The following USP19 variants were observed in gnomAD, a reference collection of about 807,000 sequenced individuals.
USP19 encodes ubiquitin carboxyl-terminal hydrolase 19.
In USP19, 40 loss-of-function variants were observed where a neutral mutation model predicts 144.8. That is an observed-to-expected ratio of 0.28 (90% CI 0.21 to 0.36). The LOEUF (loss-of-function observed/expected upper bound fraction) is 0.36. Among genes scored for constraint, USP19 ranks in the 10% least tolerant of loss-of-function variants. The pLI is 1.00. For synonymous variants in USP19, 701 were observed against 709.3 expected, an observed-to-expected ratio of 0.99 and a Z score of 0.19; for missense variants, 1,518 against 1,822.5, an observed-to-expected ratio of 0.83 and a Z score of 3.04.
rs200689579 is a variant in USP19 at position 49,108,111 on chromosome 3, C to CA, written c.*300dup. On this transcript the variant is annotated 3_prime_UTR_variant, in exon 27 of 27. Transcript: ENST00000417901. The surrounding 1 kb of genome is among the most constrained non-coding windows in gnomAD (Gnocchi z 4.8). ...AACAGCAGCAGTCACTTCCAAAATGCAAAAAAAATTACAATTTTTAGAATA... is the reference window on the plus strand; with the variant it reads ...AACAGCAGCAGTCACTTCCAAAATGCAAAAAAAAATTACAATTTTTAGAATA... 4.6e-3 allele frequency: 703 copies of CA among 153,866 alleles called. 4 individuals carry two copies. Among genetic ancestry groups the CA allele is most frequent in the Middle Eastern group, 0.016 (5 of 308 alleles). 9.5% of individuals were successfully genotyped at this position (153,866 alleles called of 1,614,324 possible). A position where few individuals can be genotyped will look rare whatever the true frequency, so the allele number is the denominator to read the frequency against.
chr3:49,114,318 C>T lies in USP19; in HGVS notation c.2293-34G>A. ...GTAGAGGTGGCACTGGGTAGCTGCA[C>T]ACAGAGTGGGAGATAAGATGCTCAT... On this transcript the variant is annotated intron_variant, in intron 15 of 26. Transcript: ENST00000417901. The surrounding 1 kb of genome is among the most constrained non-coding windows in gnomAD (Gnocchi z 4.5). 6.3e-7 allele frequency: 1 copy of T among 1,596,614 alleles called. No homozygotes were observed. The highest frequency in any genetic ancestry group is 8.6e-7 in the Non-Finnish European group (1 of 1,164,710).
In USP19 at chr3:49,115,863, G is replaced by A. The variant is rs1338576454; in HGVS notation, c.1553C>T (p.Pro518Leu). 6.2e-7 allele frequency: 1 copy of A among 1,604,394 alleles called. No homozygotes were observed. The highest frequency in any genetic ancestry group is 1.1e-5 in the South Asian group (1 of 89,822). Reference protein sequence around the residue: ...DSTPPGGAPHPLTGQEEARAV... With the variant: ...DSTPPGGAPHLLTGQEEARAV... ...CCGGGCCTCCTCCTGGCCTGTCAGGGGGTGGGGAGCACCTCCTGGTGGGGT... is the reference window on the plus strand; with the variant it reads ...CCGGGCCTCCTCCTGGCCTGTCAGGAGGTGGGGAGCACCTCCTGGTGGGGT... The change falls in exon 11 of 27, where the codon CCC (proline) becomes CTC (leucine). Residue 518 changes from proline (P) to leucine (L), a missense_variant. Coordinates refer to ENST00000417901, the MANE Select transcript of USP19 (RefSeq NM_001199161.2). This position sits in a 1 kb window ranked among gnomAD's most constrained non-coding sequence, Gnocchi z 6.6.
chr3:49,118,569 T>G (rs1226720829), intron 2 of USP19, among the ~76,000 whole-genome samples: 4 of 135,700 alleles, frequency 2.9e-5, no homozygotes, highest in Non-Finnish European at 6.2e-5. Context: ...GATGACAGAG[T>G]GAGACATTGT....
intron 1 of USP19, among the ~76,000 whole-genome samples, chr3:49,119,496 A>T (rs2044773939): frequency 6.6e-6 from 1 of 152,262 alleles, no homozygotes; most frequent in African/African-American, 2.4e-5. Flanking sequence ...CCACCATAAC[A>T]GTCCCACACA....
chr3:49,113,560 G>A (rs1195115525), intron 17 of USP19, among the ~76,000 whole-genome samples: 1 of 150,990 alleles, frequency 6.6e-6, no homozygotes, highest in African/African-American at 2.4e-5. Context: ...TTACAGGCAT[G>A]AGCCACCACG....
rs2043357033 is a variant in USP19, at chr3:49,112,652, TC to T, written c.2506-24del. The T allele has an allele frequency of 6.2e-7, 1 of 1,604,204 alleles. No individual in the cohort carries two copies. ...TACCTGGGGACAGAGAACACACAGA[TC>T]CCACGTGAGGATAAGCCCTTTCCCT... On this transcript the variant is annotated intron_variant, in intron 17 of 26. Coordinates refer to ENST00000417901, the MANE Select transcript of USP19 (RefSeq NM_001199161.2). The surrounding 1 kb of genome is among the most constrained non-coding windows in gnomAD (Gnocchi z 4.9).
intron 2 of USP19, 92 bp from the exon 3 acceptor site, chr3:49,118,212 C>G: frequency 1.7e-6 from 1 of 586,900 alleles, no homozygotes. Context: ...ATGCAGTAAG[C>G]TACGATCACA....
In USP19 at chr3:49,114,646, G is replaced by A; in HGVS notation, c.2292+117C>T. The A allele has an allele frequency of 8.9e-7, 1 of 1,118,486 alleles. No individual in the cohort carries two copies. Among genetic ancestry groups the A allele is most frequent in the South Asian group, 1.5e-5 (1 of 68,282 alleles). 69.3% of individuals were successfully genotyped at this position (1,118,486 alleles called of 1,614,324 possible). A position where few individuals can be genotyped will look rare whatever the true frequency, so the allele number is the denominator to read the frequency against. ...ATAGAATCCTAAGGCCTCCCTGCCAGCTTCTTTGCCCAAACCTTGCCCTGT... is the reference window on the plus strand; with the variant it reads ...ATAGAATCCTAAGGCCTCCCTGCCAACTTCTTTGCCCAAACCTTGCCCTGT... On this transcript the variant is annotated intron_variant, in intron 15 of 26. Transcript: ENST00000417901. The surrounding 1 kb of genome is among the most constrained non-coding windows in gnomAD (Gnocchi z 4.5).
At position 49,108,388 on chromosome 3, in the gene USP19, TCC is replaced by T; in HGVS notation, c.*22_*23del. The T allele has an allele frequency of 9.8e-7, 1 of 1,023,148 alleles. No homozygotes were observed. Among genetic ancestry groups the T allele is most frequent in the African/African-American group, 1.7e-5 (1 of 58,802 alleles). 63.4% of individuals were successfully genotyped at this position (1,023,148 alleles called of 1,614,324 possible). On this transcript the variant is annotated 3_prime_UTR_variant, in exon 27 of 27. Coordinates refer to ENST00000417901, the MANE Select transcript of USP19 (RefSeq NM_001199161.2). The surrounding 1 kb of genome is among the most constrained non-coding windows in gnomAD (Gnocchi z 4.8). ...CTCTGTGTGGGTGTCCCAAACCCAG[TCC>T]CCCCCATCAGCCAGGGACCTGCTAA...
chr3:49,110,788 G>A lies in USP19; in HGVS notation c.3621C>T (p.Ile1207=), dbSNP rs765356241. ...LLLWRLPNVL[I]VQLKRFSFRS... Reference sequence around the variant, plus strand: ...GAAAGGAGAAGCGCTTGAGCTGCACGATGAGAACATTTGGCAGGCGCCATA... The same window carrying A: ...GAAAGGAGAAGCGCTTGAGCTGCACAATGAGAACATTTGGCAGGCGCCATA... Residue 1207 remains isoleucine, a synonymous_variant, in exon 24 of 27, where the codon ATC becomes ATT. Coordinates refer to ENST00000417901, the MANE Select transcript of USP19 (RefSeq NM_001199161.2). This position sits in a 1 kb window ranked among gnomAD's most constrained non-coding sequence, Gnocchi z 6.1. The A allele has an allele frequency of 3.7e-6, 6 of 1,614,190 alleles. No homozygotes were observed. The highest frequency in any genetic ancestry group is 2.2e-5 in the East Asian group (1 of 44,884).
Position 49,118,058 on chromosome 3 carries a change from C to T in USP19, c.187G>A (p.Ala63Thr). ...ATCCCAGCTGCATGGGAGGCTGAGG[C>T]AGAAGGATCACCTGAGGCCAGAGGT... ...LEPLASGDPS[A>T]SASHAAGITG... The change falls in exon 3 of 27, where the codon GCC becomes ACC. Residue 63 changes from alanine (A) to threonine (T), a missense_variant. Coordinates refer to ENST00000417901, the MANE Select transcript of USP19 (RefSeq NM_001199161.2). The T allele has an allele frequency of 6.3e-7, 1 of 1,589,738 alleles. No homozygotes were observed. Among genetic ancestry groups the T allele is most frequent in the Non-Finnish European group, 8.5e-7 (1 of 1,171,766 alleles).
chr3:49,114,248 C>T lies in USP19; in HGVS notation c.2329G>A (p.Val777Met), dbSNP rs2107419788. The change falls in exon 16 of 27, where the codon GTG becomes ATG. Residue 777 changes from valine to methionine, a missense_variant. Around this residue, in one of 5 missense-constraint regions of USP19, gnomAD observed 413 missense variants for 515.8 expected, o/e 0.80. Coordinates refer to ENST00000417901, the MANE Select transcript of USP19 (RefSeq NM_001199161.2). This position sits in a 1 kb window ranked among gnomAD's most constrained non-coding sequence, Gnocchi z 4.5. ...ACCTTTTGCTTTTGTGGCAAGGGCA[C>T]CGGCAGATAAAGAAACGGGTCAAAA... ...ITFDPFLYLP[V>M]PLPQKQKVLP... is the part of the protein sequence containing the mutation. The T allele has an allele frequency of 6.2e-7, 1 of 1,614,140 alleles. No individual in the cohort carries two copies. The highest frequency in any genetic ancestry group is 8.5e-7 in the Non-Finnish European group (1 of 1,180,028).
At chr3:49,118,876 A>G (rs922309435) in intron 2 of USP19, 146 bp downstream of exon 2, 11 of 1,256,094 alleles carry the variant, frequency 8.8e-6, no homozygotes, top group Non-Finnish European at 1.2e-5. Context: ...CTGAGGCTCT[A>G]CTGAGGTTAT....
intron 2 of USP19, 81 bp from the exon 3 acceptor site, chr3:49,118,201 G>T: frequency 1.7e-6 from 1 of 584,974 alleles, no homozygotes; most frequent in Non-Finnish European, 3.0e-6. Flanking sequence ...GGACTTTGAG[G>T]ATGCAGTAAG....
At position 49,115,647 on chromosome 3, in the gene USP19, A is replaced by T; in HGVS notation, c.1693-8T>A. 1 of 1,607,514 alleles carries T rather than the reference A, an allele frequency of 6.2e-7. No individual in the cohort carries two copies. The highest frequency in any genetic ancestry group is 8.5e-7 in the Non-Finnish European group (1 of 1,176,462). ...CATGCATGTAGGCTTGGGCTGCAGG[A>T]GCAAAGACGACATGAGAGAACAGCC... is the stretch of plus-strand genomic sequence containing the variant. On this transcript the variant is annotated splice_region_variant and splice_polypyrimidine_tract_variant and intron_variant, in intron 11 of 26. Transcript: ENST00000417901. The surrounding 1 kb of genome is among the most constrained non-coding windows in gnomAD (Gnocchi z 6.6).
In USP19 at chr3:49,115,699, GTC is replaced by G. The variant is rs779538846; in HGVS notation, c.1692+23_1692+24del. 4.9e-5 allele frequency: 78 copies of G among 1,607,142 alleles called. 3 individuals carry two copies. In the African/African-American group the frequency reaches 6.0e-4, roughly 12 times the overall value. Reference sequence around the variant, plus strand: ...CAAGACTCTCCAGCCTCCATTCTTCGTCCTTCCCACCCCAGAATTCTCACCGA... The same window carrying G: ...CAAGACTCTCCAGCCTCCATTCTTCGCTTCCCACCCCAGAATTCTCACCGA... On this transcript the variant is annotated intron_variant, in intron 11 of 26. Transcript: ENST00000417901. This position sits in a 1 kb window ranked among gnomAD's most constrained non-coding sequence, Gnocchi z 6.6.
rs34867484 is a variant in USP19, at chr3:49,113,961, CAT to C, written c.2505+29_2505+30del. ...TGGTGAGTACACACACACATCCACA[CAT>C]GTGATAGCCCAAGGAAGGACAAAGA... On this transcript the variant is annotated intron_variant, in intron 17 of 26. Coordinates refer to ENST00000417901, the MANE Select transcript of USP19 (RefSeq NM_001199161.2). 3.7e-3 allele frequency: 5,881 copies of C among 1,608,014 alleles called. 161 individuals carry two copies. The African/African-American group carries it at 0.063, about 17-fold the overall frequency.
chr3:49,116,186 G>A lies in USP19; in HGVS notation c.1356-24C>T, dbSNP rs747461613. ...TCCTGTGGGAAAAGGCTGAACTCAG[G>A]GACTTAGGAGGAATGAGCATCAGGA... On this transcript the variant is annotated intron_variant, in intron 9 of 26. Coordinates refer to ENST00000417901, the MANE Select transcript of USP19 (RefSeq NM_001199161.2). The surrounding 1 kb of genome is among the most constrained non-coding windows in gnomAD (Gnocchi z 5.0). 2.5e-6 allele frequency: 4 copies of A among 1,613,908 alleles called. No individual in the cohort carries two copies. The East Asian group carries it at 8.9e-5, about 36-fold the overall frequency.
Position 49,111,855 on chromosome 3 carries a change from C to T in USP19, c.2904-42G>A. 1 of 1,599,934 alleles carries T rather than the reference C, an allele frequency of 6.3e-7. No homozygotes were observed. Among genetic ancestry groups the T allele is most frequent in the Middle Eastern group, 1.7e-4 (1 of 5,986 alleles). On this transcript the variant is annotated intron_variant, in intron 20 of 26. Coordinates refer to ENST00000417901, the MANE Select transcript of USP19 (RefSeq NM_001199161.2). The surrounding 1 kb of genome is among the most constrained non-coding windows in gnomAD (Gnocchi z 5.9). ...ACGCAAGTAAGACTCCTGACCAGCC[C>T]ATCTAGCACCTCTGCCCCCACCTAC...
Sources: allele counts gnomAD v4.1 joint callset (sites outside exome capture counted in the v4.1 genomes callset), GRCh38; gene constraint gnomAD v4.1.1; regional missense constraint gnomAD v4.1.1; non-coding constraint Gnocchi (gnomAD v3.1); transcripts MANE v1.5; gene names NCBI Gene and HGNC (gene_info 2026-07-23, HGNC 2026-07-21).